ZMYM5: variants seen among roughly 807,000 people sequenced by gnomAD.
ZMYM5 encodes zinc finger MYM-type containing 5.
ZMYM5 carries 41 observed loss-of-function variants against 61.8 expected under a neutral mutation model. That is an observed-to-expected ratio of 0.66 (90% CI 0.52 to 0.86). ZMYM5 has a LOEUF of 0.86. Among genes scored for constraint, ZMYM5 ranks in the 40% least tolerant of loss-of-function variants. The pLI, the probability that ZMYM5 is intolerant of heterozygous loss-of-function variation, is 0.00. For synonymous variants in ZMYM5, 257 were observed against 276.4 expected, an observed-to-expected ratio of 0.93 and a Z score of 0.70; for missense variants, 706 against 786.7, an observed-to-expected ratio of 0.90 and a Z score of 1.23.
rs558312296 is a variant in ZMYM5 at position 19,853,356 on chromosome 13, C to T, written c.-10-1166G>A. On this transcript the variant is annotated intron_variant, in intron 2 of 7. Transcript: ENST00000337963. ...GAAATTGATCACGTATAAGGATCAC[C>T]TCTATCTCAACTGAAAGAAGGCAAA... 3.3e-5 allele frequency among the ~76,000 whole-genome samples: 5 copies of T among 152,226 alleles called. No homozygotes were observed. The East Asian group carries it at 9.7e-4, about 29-fold the overall frequency.
chr13:19,838,778 T>G lies in ZMYM5; in HGVS notation c.794A>C (p.His265Pro). 1.2e-6 allele frequency: 2 copies of G among 1,614,192 alleles called. No homozygotes were observed. Among genetic ancestry groups the G allele is most frequent in the Non-Finnish European group, 8.5e-7 (1 of 1,180,038 alleles). ...QTAYQRKGSAHLFCSTTCLSS... is the reference protein window; with the variant it reads ...QTAYQRKGSAPLFCSTTCLSS... Reference sequence around the variant, plus strand: ...AAGGCAGGTGGTAGAGCAAAAGAGGTGAGCTGATCCTTTTCGTTGATAAGC... The same window carrying G: ...AAGGCAGGTGGTAGAGCAAAAGAGGGGAGCTGATCCTTTTCGTTGATAAGC... Residue 265 changes from histidine (H) to proline (P), a missense_variant, in exon 5 of 8, where the codon CAC becomes CCC. Physicochemically the swap from His to Pro is moderately conservative, Grantham distance 77. Transcript: ENST00000337963.
rs9579718 is a variant in ZMYM5, at chr13:19,851,808, T to C, written c.373A>G (p.Ile125Val). The change falls in exon 3 of 8, where the codon ATA becomes GTA. Residue 125 changes from isoleucine (I) to valine (V), a missense_variant. Ile to Val is a conservative substitution (Grantham distance 29, BLOSUM62 3). This residue lies in a region of ZMYM5 where 480 missense variants were observed against 461.7 expected (regional missense o/e 1.04). Coordinates refer to ENST00000337963, the MANE Select transcript of ZMYM5 (RefSeq NM_001142684.2). ...TTCTCTGCTCCTCCATTTGTTTCTA[T>C]GTCCTCTTCATCATCAATAACAATT... ...ETIVIDDEEDIETNGGAEKKS... is the reference protein window; with the variant it reads ...ETIVIDDEEDVETNGGAEKKS... 118,824 of 1,612,436 alleles carry C rather than the reference T, an allele frequency of 0.074. 5,015 individuals are homozygous for C. Among genetic ancestry groups the C allele is most frequent in the Middle Eastern group, 0.17 (1,033 of 6,052 alleles).
chr13:19,840,920 A>G lies in ZMYM5; in HGVS notation c.587-1935T>C, dbSNP rs564699437. Among the ~76,000 whole-genome samples the G allele has an allele frequency of 1.4e-3, 202 of 146,202 alleles. 1 individual carries two copies. Among genetic ancestry groups the G allele is most frequent in the African/African-American group, 4.9e-3 (194 of 39,366 alleles). The stretch of plus-strand genomic sequence containing the variant: ...TCTTGATCTCCTGACCTCATGATCC[A>G]CCCGCCTTGGCCCCCCAAAGTGCTG... On this transcript the variant is annotated intron_variant, in intron 4 of 7. Transcript: ENST00000337963.
chr13:19,849,462 T>G (rs116614694), intron 4 of ZMYM5, among the ~76,000 whole-genome samples: 2,188 of 152,156 alleles, frequency 0.014, 52 homozygotes, highest in African/African-American at 0.05. Flanking sequence ...GCATTTAGAT[T>G]AAGTAAATCA....
intron 2 of ZMYM5, among the ~76,000 whole-genome samples, chr13:19,857,491 T>G (rs993822660): frequency 3.3e-5 from 5 of 152,214 alleles, no homozygotes; most frequent in African/African-American, 1.2e-4. Flanking sequence ...GTACCATGAC[T>G]CTGAAGGTAC....
At chr13:19,828,787 A>C (rs1891056189) in intron 7 of ZMYM5, among the ~76,000 whole-genome samples, 1 of 152,172 alleles carries the variant, frequency 6.6e-6, no homozygotes, top group East Asian at 1.9e-4. Flanking sequence ...CAATGACCCT[A>C]AGTTTCTGAA....
At chr13:19,851,216 T>C in intron 4 of ZMYM5, 139 bp downstream of exon 4, 2 of 797,356 alleles carry the variant, frequency 2.5e-6, no homozygotes, top group Non-Finnish European at 4.0e-6. Context: ...CGAAACTCGG[T>C]CTCCAAAAAC....
intron 2 of ZMYM5, among the ~76,000 whole-genome samples, chr13:19,860,973 T>C (rs9579723): frequency 0.079 from 11,797 of 149,400 alleles, 528 homozygotes; most frequent in Middle Eastern, 0.11. Context: ...TCTCAAACCT[T>C]ATGGACCAGG....
At position 19,835,187 on chromosome 13, in the gene ZMYM5, G is replaced by A. The variant is rs552791587; in HGVS notation, c.1251+290C>T. 2.6e-5 allele frequency among the ~76,000 whole-genome samples: 4 copies of A among 151,978 alleles called. No individual in the cohort carries two copies. In the East Asian group the frequency reaches 5.8e-4, roughly 22 times the overall value. ...CTAAAAAATTTTTAGTAGAGATTAC[G>A]TCTCACTATGCTGCCCAGGATGGTC... On this transcript the variant is annotated intron_variant, in intron 7 of 7. Transcript: ENST00000337963.
At position 19,848,173 on chromosome 13, in the gene ZMYM5, C is replaced by T. The variant is rs1231603034; in HGVS notation, c.586+3182G>A. On this transcript the variant is annotated intron_variant, in intron 4 of 7. Transcript: ENST00000337963. ...TTGTTTTTTGTATTTTTGTAAGAGA[C>T]GGGGTTTCACCATGTTGGCCAGGCT... is the stretch of plus-strand genomic sequence containing the variant. 4.0e-5 allele frequency among the ~76,000 whole-genome samples: 6 copies of T among 151,744 alleles called. No homozygotes were observed. In the East Asian group the frequency reaches 5.8e-4, roughly 15 times the overall value.
At chr13:19,847,983 A>C (rs1263843063) in intron 4 of ZMYM5, among the ~76,000 whole-genome samples, 1 of 143,542 alleles carries the variant, frequency 7.0e-6, no homozygotes, top group Non-Finnish European at 1.5e-5. Flanking sequence ...ATTTTATCTT[A>C]TTTTTTGAAA....
At chr13:19,833,222 T>C (rs939124551) in intron 7 of ZMYM5, among the ~76,000 whole-genome samples, 8 of 152,352 alleles carry the variant, frequency 5.3e-5, no homozygotes, top group Non-Finnish European at 8.8e-5. Context: ...TCAGGGTTAC[T>C]TTCCCTTGAA....
chr13:19,851,304 C>CA, intron 4 of ZMYM5, 51 bp downstream of exon 4: 1 of 1,473,694 alleles, frequency 6.8e-7, no homozygotes, highest in South Asian at 1.2e-5. Context: ...CTAAAAAGAA[C>CA]AGCCAAAGGC....
At chr13:19,835,904 A>C (rs1593860672) in intron 6 of ZMYM5, among the ~76,000 whole-genome samples, 1 of 151,976 alleles carries the variant, frequency 6.6e-6, no homozygotes. Context: ...GCTCACTGCA[A>C]CCTCTGCCTC....
intron 6 of ZMYM5, among the ~76,000 whole-genome samples, chr13:19,836,608 G>C (rs139361801): frequency 5.5e-4 from 83 of 152,198 alleles, no homozygotes; most frequent in African/African-American, 1.9e-3. Flanking sequence ...TCATCAACAA[G>C]GATCAACAAT....
intron 6 of ZMYM5, 171 bp downstream of exon 6, chr13:19,837,485 T>C (rs956378029): frequency 8.2e-5 from 130 of 1,581,248 alleles, no homozygotes; most frequent in Non-Finnish European, 1.0e-4. Flanking sequence ...TGGAATTTTA[T>C]TTATAAAATA....
chr13:19,829,868 A>G (rs188162669), intron 7 of ZMYM5, among the ~76,000 whole-genome samples: 2 of 152,246 alleles, frequency 1.3e-5, no homozygotes, highest in African/African-American at 4.8e-5. Flanking sequence ...GGTATCATCA[A>G]TTGACTTCTC....
At chr13:19,835,197 G>A (rs1952637471) in intron 7 of ZMYM5, among the ~76,000 whole-genome samples, 2 of 151,992 alleles carry the variant, frequency 1.3e-5, no homozygotes, top group Non-Finnish European at 2.9e-5. Context: ...GTCTCACTAT[G>A]CTGCCCAGGA....
At chr13:19,847,848 T>TTTCA (rs1317246803) in intron 4 of ZMYM5, among the ~76,000 whole-genome samples, 1 of 125,162 alleles carries the variant, frequency 8.0e-6, no homozygotes, top group Non-Finnish European at 1.6e-5. Context: ...TAGAGACGGG[T>TTTCA]TTCACTGTGT....
Sources: gnomAD v4.1 joint callset for allele counts (sites outside exome capture counted in the v4.1 genomes callset) on GRCh38, gnomAD v4.1.1 for gene constraint, gnomAD v4.1.1 regional missense constraint, MANE v1.5 for transcripts, NCBI Gene and HGNC (gene_info 2026-07-23, HGNC 2026-07-21) for gene names.